The following ADAMTSL1 variants were observed in gnomAD, a reference collection of about 807,000 sequenced individuals.
The protein encoded by ADAMTSL1 is ADAMTS-like protein 1.
In ADAMTSL1, 126 loss-of-function variants were observed where a neutral mutation model predicts 201.8. The ratio of observed to expected loss-of-function variants is 0.62; its 90% CI spans 0.54 to 0.72. ADAMTSL1 has a LOEUF of 0.72. ADAMTSL1 is among the 30% of genes least tolerant of loss of function. The probability of loss-of-function intolerance (pLI) is 0.00; values close to 1 mark genes in which losing one functional copy is unlikely to be tolerated. For missense variants in ADAMTSL1, 2,679 were observed against 2,277.8 expected, an observed-to-expected ratio of 1.18 and a Z score of -3.59; for synonymous variants, 1,121 against 903.4, an observed-to-expected ratio of 1.24 and a Z score of -4.32.
At chr9:18,877,623 G>A (rs1828249184) in intron 23 of ADAMTSL1, among the ~76,000 whole-genome samples, 1 of 152,168 alleles carries the variant, frequency 6.6e-6, no homozygotes, top group Non-Finnish European at 1.5e-5. Context: ...TACCTGCTCT[G>A]GTGGCAGTAG....
intron 1 of ADAMTSL1, among the ~76,000 whole-genome samples, chr9:17,993,268 G>T (rs1037211222): frequency 2.0e-5 from 3 of 152,116 alleles, no homozygotes; most frequent in African/African-American, 7.2e-5. Flanking sequence ...GGGAAAGTGT[G>T]ACATTCATTC....
intron 3 of ADAMTSL1, among the ~76,000 whole-genome samples, chr9:18,549,425 G>C (rs994722591): frequency 2.6e-5 from 4 of 151,932 alleles, no homozygotes; most frequent in Non-Finnish European, 5.9e-5. Context: ...ACAAAGATGA[G>C]CATTAACTAC....
intron 1 of ADAMTSL1, among the ~76,000 whole-genome samples, chr9:17,994,090 T>TTGTGTGTGTG (rs367861504): frequency 8.7e-4 from 124 of 142,176 alleles, no homozygotes; most frequent in East Asian, 4.7e-3. Context: ...CAGAATCTCA[T>TTGTGTGTGTG]TGTGTGTGTG....
At chr9:18,874,437 GC>G (rs916291700) in intron 23 of ADAMTSL1, among the ~76,000 whole-genome samples, 4 of 152,042 alleles carry the variant, frequency 2.6e-5, no homozygotes, top group African/African-American at 9.7e-5. Context: ...GTCATAGATG[GC>G]TTTTATTACC....
chr9:18,446,726 T>A (rs1365988845), intron 2 of ADAMTSL1, among the ~76,000 whole-genome samples: 1 of 152,216 alleles, frequency 6.6e-6, no homozygotes. Context: ...TGCAAACACG[T>A]TTTTCTCAAC....
intron 2 of ADAMTSL1, among the ~76,000 whole-genome samples, chr9:18,402,690 G>C (rs1179785196): frequency 6.6e-6 from 1 of 151,992 alleles, no homozygotes; most frequent in Non-Finnish European, 1.5e-5. Context: ...CCAGGCCTTT[G>C]GTCTTTTGGT....
Position 18,753,278 on chromosome 9 carries a change from CCT to C in ADAMTSL1, c.2007-15_2007-14del. 1 of 1,601,112 alleles carries C rather than the reference CCT, an allele frequency of 6.2e-7. No individual in the cohort carries two copies. The highest frequency in any genetic ancestry group is 8.5e-7 in the Non-Finnish European group (1 of 1,173,086). ...ACAGGTACTAAGGGTGTGTCCTCTT[CCT>C]CTCTGATTTCTTCTCAGGTGGGAAA... is the stretch of plus-strand genomic sequence containing the variant. On this transcript the variant is annotated intron_variant, in intron 15 of 28. Coordinates refer to ENST00000380548, the MANE Select transcript of ADAMTSL1 (RefSeq NM_001040272.6).
intron 2 of ADAMTSL1, among the ~76,000 whole-genome samples, chr9:18,273,102 T>C (rs2383068): frequency 0.49 from 74,675 of 152,050 alleles, 18,812 homozygotes; most frequent in South Asian, 0.56. Context: ...TTATACCTTG[T>C]GGAGTCTCAC....
At chr9:18,726,760 C>G (rs1215524092) in intron 15 of ADAMTSL1, among the ~76,000 whole-genome samples, 1 of 152,182 alleles carries the variant, frequency 6.6e-6, no homozygotes, top group African/African-American at 2.4e-5. Flanking sequence ...ATTTCTGCAG[C>G]TTTGTTCTAA....
At chr9:18,367,578 A>AAT (rs899980273) in intron 2 of ADAMTSL1, among the ~76,000 whole-genome samples, 59 of 151,770 alleles carry the variant, frequency 3.9e-4, no homozygotes, top group African/African-American at 1.2e-3. Flanking sequence ...ACTATGTATA[A>AAT]ATATATATAT....
chr9:18,245,752 G>A (rs1378722973), intron 2 of ADAMTSL1, among the ~76,000 whole-genome samples: 2 of 151,530 alleles, frequency 1.3e-5, no homozygotes, highest in Non-Finnish European at 2.9e-5. Flanking sequence ...AAAGGAATCT[G>A]GTCTAAATTT....
intron 1 of ADAMTSL1, among the ~76,000 whole-genome samples, chr9:17,997,470 A>G (rs1199983235): frequency 6.6e-6 from 1 of 152,138 alleles, no homozygotes; most frequent in African/African-American, 2.4e-5. Context: ...TCTAGCCAGA[A>G]AATGAATCCG....
intron 2 of ADAMTSL1, among the ~76,000 whole-genome samples, chr9:18,265,955 ATTTTT>A (rs1471269607): frequency 6.6e-6 from 1 of 152,206 alleles, no homozygotes; most frequent in East Asian, 1.9e-4. Flanking sequence ...GACATTTACT[ATTTTT>A]TGAGTGATAT....
chr9:18,765,584 T>C (rs1383598862), intron 16 of ADAMTSL1, among the ~76,000 whole-genome samples: 2 of 152,280 alleles, frequency 1.3e-5, no homozygotes, highest in East Asian at 3.9e-4. Context: ...ACCACTTCCT[T>C]ACTGGGAAAC....
At chr9:17,917,777 T>C (rs1252541944) in intron 1 of ADAMTSL1, among the ~76,000 whole-genome samples, 1 of 152,102 alleles carries the variant, frequency 6.6e-6, no homozygotes, top group East Asian at 1.9e-4. Context: ...GTTTAAGAAT[T>C]CACCAGTGAA....
intron 13 of ADAMTSL1, among the ~76,000 whole-genome samples, chr9:18,698,785 A>G (rs924947982): frequency 5.9e-5 from 9 of 152,168 alleles, no homozygotes; most frequent in Admixed American, 5.2e-4. Flanking sequence ...CAGAATGAGG[A>G]TTAGATTTGT....
chr9:18,643,861 G>A (rs1255611562), intron 7 of ADAMTSL1, among the ~76,000 whole-genome samples: 1 of 151,458 alleles, frequency 6.6e-6, no homozygotes, highest in African/African-American at 2.4e-5. Context: ...TTGGCTATTT[G>A]GGGTATTTTG....
chr9:18,184,584 C>T (rs1828648956), intron 2 of ADAMTSL1, among the ~76,000 whole-genome samples: 1 of 152,200 alleles, frequency 6.6e-6, no homozygotes, highest in Non-Finnish European at 1.5e-5. Context: ...TAGCCAAGTG[C>T]CTTGTCCTGG....
At chr9:17,906,994 GC>G in intron 1 of ADAMTSL1, 1 of 152,588 alleles carries the variant, frequency 6.6e-6, no homozygotes, top group South Asian at 2.1e-4. Context: ...AGCGAAAAGC[GC>G]TACAGCGTGG....
Sources: allele counts gnomAD v4.1 joint callset (sites outside exome capture counted in the v4.1 genomes callset), GRCh38; gene constraint gnomAD v4.1.1; transcripts MANE v1.5; gene names NCBI Gene and HGNC (gene_info 2026-07-23, HGNC 2026-07-21).